Variants in TMPRSS12 observed in about 807,000 individuals in gnomAD.
TMPRSS12 encodes the protein transmembrane serine protease 12, also known as transmembrane protease serine 12.
Under a neutral mutation model 26.0 loss-of-function variants are expected in TMPRSS12, and 25 were observed. That is an observed-to-expected ratio of 0.96 (90% CI 0.70 to 1.34). The LOEUF is 1.34. Ranked by LOEUF, TMPRSS12 falls within the 40% of genes most tolerant of loss-of-function variation. The pLI, the probability that TMPRSS12 is intolerant of heterozygous loss-of-function variation, is 0.00. For missense variants in TMPRSS12, 441 were observed against 440.1 expected, an observed-to-expected ratio of 1.00 and a Z score of -0.02; for synonymous variants, 150 against 161.7, an observed-to-expected ratio of 0.93 and a Z score of 0.55.
In TMPRSS12 at chr12:50,843,007, A is replaced by G. The variant is rs1592214732; in HGVS notation, c.43A>G (p.Ser15Gly). ...LLSVALLFVG[S>G]SHLYSDHYSP... ...GAGCGTGGCGCTGTTGTTTGTGGGG[A>G]GCTCTCACTTATACTCAGACCACTA... Residue 15 changes from serine to glycine, a missense_variant, in exon 1 of 5, where the codon AGC becomes GGC. Physicochemically the swap from Ser to Gly is moderately conservative, Grantham distance 56. Coordinates refer to ENST00000398458, the MANE Select transcript of TMPRSS12 (RefSeq NM_182559.3). The G allele has an allele frequency of 1.2e-6, 2 of 1,604,384 alleles. No homozygotes were observed. Among genetic ancestry groups the G allele is most frequent in the Non-Finnish European group, 1.7e-6 (2 of 1,175,666 alleles).
chr12:50,849,576 T>C (rs1937805606), intron 2 of TMPRSS12, among the ~76,000 whole-genome samples: 1 of 152,172 alleles, frequency 6.6e-6, no homozygotes, highest in Admixed American at 6.5e-5. Context: ...CATTGATCTG[T>C]TGTCTATCCC....
At chr12:50,878,803 C>A (rs1938137394) in intron 3 of TMPRSS12, among the ~76,000 whole-genome samples, 1 of 152,162 alleles carries the variant, frequency 6.6e-6, no homozygotes, top group Non-Finnish European at 1.5e-5. Context: ...AATAGTGGTA[C>A]AATCTGAATG....
intron 3 of TMPRSS12, among the ~76,000 whole-genome samples, chr12:50,883,112 T>A (rs1354321939): frequency 1.3e-5 from 2 of 152,168 alleles, no homozygotes; most frequent in Non-Finnish European, 2.9e-5. Flanking sequence ...GAGGCTTGCT[T>A]GAGGCCAGGA....
At chr12:50,844,715 G>T (rs941410412) in intron 2 of TMPRSS12, among the ~76,000 whole-genome samples, 7 of 152,072 alleles carry the variant, frequency 4.6e-5, no homozygotes, top group Non-Finnish European at 8.8e-5. Flanking sequence ...TTCCTATAAA[G>T]GTAGTAAATA....
intron 3 of TMPRSS12, among the ~76,000 whole-genome samples, chr12:50,870,822 C>A (rs1392294267): frequency 3.4e-5 from 5 of 147,796 alleles, no homozygotes; most frequent in Non-Finnish European, 7.4e-5. Context: ...AGAATCAAAT[C>A]AAGAACTCAA....
intron 2 of TMPRSS12, among the ~76,000 whole-genome samples, chr12:50,844,851 T>G (rs1937753070): frequency 6.6e-6 from 1 of 152,214 alleles, no homozygotes; most frequent in Non-Finnish European, 1.5e-5. Flanking sequence ...CTGAATTTCA[T>G]ATGTTTAACG....
chr12:50,882,832 C>T (rs1050592229), intron 3 of TMPRSS12, among the ~76,000 whole-genome samples: 1 of 152,026 alleles, frequency 6.6e-6, no homozygotes, highest in Non-Finnish European at 1.5e-5. Context: ...TACCATAATA[C>T]CAGAGACAGA....
intron 3 of TMPRSS12, among the ~76,000 whole-genome samples, chr12:50,882,221 G>C (rs1163905618): frequency 7.0e-6 from 1 of 142,094 alleles, no homozygotes; most frequent in East Asian, 2.0e-4. Flanking sequence ...AGGCCAATGT[G>C]GGAGAATTGC....
chr12:50,860,422 CT>C (rs555754271), intron 3 of TMPRSS12, among the ~76,000 whole-genome samples: 6 of 150,882 alleles, frequency 4.0e-5, no homozygotes, highest in African/African-American at 9.7e-5. Context: ...ATTTAAAACA[CT>C]TTTTTTTTAG....
At chr12:50,855,611 T>C (rs1101405) in intron 2 of TMPRSS12, among the ~76,000 whole-genome samples, 98,604 of 152,120 alleles carry the variant, frequency 0.65, 32,265 homozygotes, top group Non-Finnish European at 0.7. Context: ...CTGTTGGGAA[T>C]GGAAATTAGT....
chr12:50,887,358 G>T lies in TMPRSS12; in HGVS notation c.892G>T (p.Gly298Cys). ...TSYGHGCGRR[G>C]FPGVYIGPSF... ...TTACGGACATGGCTGTGGTCGAAGA[G>T]GTTTTCCTGGTGTCTATATTGGGCC... The change falls in exon 5 of 5, where the codon GGT (glycine) becomes TGT (cysteine). Residue 298 changes from glycine (G) to cysteine (C), a missense_variant. Coordinates refer to ENST00000398458, the MANE Select transcript of TMPRSS12 (RefSeq NM_182559.3). 6.2e-7 allele frequency: 1 copy of T among 1,613,928 alleles called. No individual in the cohort carries two copies. The highest frequency in any genetic ancestry group is 8.5e-7 in the Non-Finnish European group (1 of 1,179,866).
intron 2 of TMPRSS12, 151 bp from the exon 3 acceptor site, chr12:50,858,634 T>G: frequency 1.3e-5 from 8 of 599,454 alleles, no homozygotes; most frequent in Non-Finnish European, 1.8e-5. Flanking sequence ...CCCTAGATCA[T>G]GATATTTGTG....
At chr12:50,865,731 C>T (rs1196113596) in intron 3 of TMPRSS12, among the ~76,000 whole-genome samples, 1 of 151,174 alleles carries the variant, frequency 6.6e-6, no homozygotes, top group Non-Finnish European at 1.5e-5. Flanking sequence ...TGAAATGTAG[C>T]CAGAGATAAA....
intron 3 of TMPRSS12, among the ~76,000 whole-genome samples, chr12:50,875,835 T>G (rs957740994): frequency 2.6e-5 from 4 of 152,190 alleles, no homozygotes; most frequent in Admixed American, 6.6e-5. Context: ...TTCTGGACAT[T>G]GGCCTTGGGA....
Position 50,885,227 on chromosome 12 carries a change from T to TG in TMPRSS12, c.653-17dup. On this transcript the variant is annotated intron_variant, in intron 3 of 4. Coordinates refer to ENST00000398458, the MANE Select transcript of TMPRSS12 (RefSeq NM_182559.3). ...AAATGTCTGCTCCAAGATAACTTAC[T>TG]GGTATTTTTTGTTAACAGGTAACGC... 6.4e-7 allele frequency: 1 copy of TG among 1,562,756 alleles called. No individual in the cohort carries two copies. Among genetic ancestry groups the TG allele is most frequent in the Non-Finnish European group, 8.6e-7 (1 of 1,156,972 alleles).
chr12:50,883,467 T>C (rs1046764235), intron 3 of TMPRSS12, among the ~76,000 whole-genome samples: 3 of 152,264 alleles, frequency 2.0e-5, no homozygotes, highest in African/African-American at 7.2e-5. Context: ...GCAGGAGAAT[T>C]GCTTGGGCCC....
At chr12:50,876,703 C>T (rs1042339674) in intron 3 of TMPRSS12, among the ~76,000 whole-genome samples, 1 of 148,034 alleles carries the variant, frequency 6.8e-6, no homozygotes. Flanking sequence ...ACTCAGGAGG[C>T]TGAGGCAGGA....
At chr12:50,852,705 T>C (rs1937837615) in intron 2 of TMPRSS12, among the ~76,000 whole-genome samples, 1 of 152,114 alleles carries the variant, frequency 6.6e-6, no homozygotes, top group Admixed American at 6.6e-5. Context: ...ACACCCAGTC[T>C]GACAAAATAG....
chr12:50,859,141 A>T (rs1937910947), intron 3 of TMPRSS12, 88 bp downstream of exon 3: 2 of 1,236,148 alleles, frequency 1.6e-6, no homozygotes, highest in Admixed American at 3.1e-5. Context: ...CATGTGCCAC[A>T]TAATGACATT....
Sources: allele counts gnomAD v4.1 joint callset (sites outside exome capture counted in the v4.1 genomes callset), GRCh38; gene constraint gnomAD v4.1.1; transcripts MANE v1.5; gene names NCBI Gene and HGNC (gene_info 2026-07-23, HGNC 2026-07-21).